Variants in FAM83F observed in about 807,000 individuals in gnomAD.
FAM83F encodes protein FAM83F.
Under a neutral mutation model 42.9 loss-of-function variants are expected in FAM83F, and 45 were observed. That is an observed-to-expected ratio of 1.05 (90% CI 0.83 to 1.35). FAM83F has a LOEUF of 1.35. FAM83F is among the 40% of genes most tolerant of loss of function. The probability of loss-of-function intolerance (pLI) is 0.00; values close to 1 mark genes in which losing one functional copy is unlikely to be tolerated. For synonymous variants in FAM83F, 306 were observed against 298.3 expected, an observed-to-expected ratio of 1.03 and a Z score of -0.27; for missense variants, 617 against 695.9, an observed-to-expected ratio of 0.89 and a Z score of 1.28.
chr22:40,006,062 A>C (rs1243549268), intron 1 of FAM83F, among the ~76,000 whole-genome samples: 1 of 152,216 alleles, frequency 6.6e-6, no homozygotes, highest in African/African-American at 2.4e-5. Flanking sequence ...CAACATGGCG[A>C]AGCCCCGTCT....
In FAM83F at chr22:40,032,608, C is replaced by G. The variant is rs551387014; in HGVS notation, c.*3043C>G. The G allele has an allele frequency of 2.3e-4, 35 of 151,420 alleles. No individual in the cohort carries two copies. Among genetic ancestry groups the G allele is most frequent in the African/African-American group, 8.5e-4 (35 of 41,162 alleles). 9.4% of individuals were successfully genotyped at this position (151,420 alleles called of 1,614,324 possible). A position where few individuals can be genotyped will look rare whatever the true frequency, so the allele number is the denominator to read the frequency against. ...TCTGAGACAGAGTCTCACCCTGTTG[C>G]CCAGGCTGGAGTGCAGTGACAGCGA... On this transcript the variant is annotated 3_prime_UTR_variant, in exon 5 of 5. Coordinates refer to ENST00000333407, the MANE Select transcript of FAM83F (RefSeq NM_138435.4).
In FAM83F at chr22:39,995,310, A is replaced by C. The variant is rs760193367; in HGVS notation, c.268A>C (p.Lys90Gln). Residue 90 changes from lysine to glutamine, a missense_variant, in exon 1 of 5, where the codon AAG (lysine) becomes CAG (glutamine). By Grantham distance (53) the Lys-to-Gln change is moderately conservative. Transcript: ENST00000333407. The surrounding 1 kb of genome is among the most constrained non-coding windows in gnomAD (Gnocchi z 4.6). Reference sequence around the variant, plus strand: ...CAACGCCCGGGGCAAGAGCAAGGCCAAGGCCAAGGCCCCCGCGCCGGCGCC... The same window carrying C: ...CAACGCCCGGGGCAAGAGCAAGGCCCAGGCCAAGGCCCCCGCGCCGGCGCC... ...AANARGKSKA[K>Q]AKAPAPAPAE... is the part of the protein sequence containing the mutation. The C allele has an allele frequency of 5.1e-5, 79 of 1,537,678 alleles. No individual in the cohort carries two copies. Among genetic ancestry groups the C allele is most frequent in the Non-Finnish European group, 6.7e-5 (77 of 1,145,706 alleles).
Position 39,997,269 on chromosome 22 carries a change from T to C in FAM83F, c.489+1738T>C, listed in dbSNP as rs1601760150. Among the ~76,000 whole-genome samples the C allele has an allele frequency of 2.0e-5, 3 of 152,232 alleles. No homozygotes were observed. In the East Asian group the frequency reaches 5.8e-4, roughly 29 times the overall value. ...AAGCTAGCCTGGTCACAACCTGGAG[T>C]GCAGGTGGTGTACCCCTGTTACTAG... On this transcript the variant is annotated intron_variant, in intron 1 of 4. Coordinates refer to ENST00000333407, the MANE Select transcript of FAM83F (RefSeq NM_138435.4).
At chr22:40,026,864 G>C (rs2067556131) in intron 4 of FAM83F, among the ~76,000 whole-genome samples, 1 of 152,176 alleles carries the variant, frequency 6.6e-6, no homozygotes, top group Admixed American at 6.5e-5. Context: ...GTCATCCCTT[G>C]GGGCCGCAGG....
intron 1 of FAM83F, among the ~76,000 whole-genome samples, chr22:39,998,292 C>T (rs1359176756): frequency 6.6e-6 from 1 of 152,208 alleles, no homozygotes; most frequent in East Asian, 1.9e-4. Context: ...AGGACATGCA[C>T]ACATCCAACT....
Position 40,040,059 on chromosome 22 carries a change from T to C in FAM83F, c.*10494T>C, listed in dbSNP as rs1014464236. On this transcript the variant is annotated 3_prime_UTR_variant, in exon 5 of 5. Coordinates refer to ENST00000333407, the MANE Select transcript of FAM83F (RefSeq NM_138435.4). ...GAGTGGGAGAAAAGCCAGATCTCAG[T>C]TGGGACGTGGAGGAAGGACCACCAG... The C allele has an allele frequency of 3.9e-5, 6 of 152,230 alleles. No individual in the cohort carries two copies. Among genetic ancestry groups the C allele is most frequent in the African/African-American group, 1.4e-4 (6 of 41,438 alleles). The allele number at this position is 152,230 out of a possible 1,614,324, so 9.4% of individuals were successfully genotyped here.
intron 1 of FAM83F, among the ~76,000 whole-genome samples, chr22:40,018,220 A>G (rs1380490080): frequency 6.6e-6 from 1 of 152,202 alleles, no homozygotes; most frequent in African/African-American, 2.4e-5. Context: ...CTCTGCCTGG[A>G]TCTGTGCCTG....
rs1413318390 is a variant in FAM83F, at chr22:40,021,720, GTC to G, written c.1215_1216del (p.Met407AlafsTer59). On this transcript the variant is annotated frameshift_variant, in exon 4 of 5. Coordinates refer to ENST00000333407, the MANE Select transcript of FAM83F (RefSeq NM_138435.4). LOFTEE classifies it high-confidence loss of function. The surrounding 1 kb of genome is among the most constrained non-coding windows in gnomAD (Gnocchi z 8.7). The stretch of plus-strand genomic sequence containing the variant: ...GCTGAGCCAGAAGGATGGCAGGATG[GTC>G]TCTCACATGCACAGAGACCTGAAGC... Reference protein sequence around the residue: ...GELSQKDGRMVSHMHRDLKPK... With the variant: ...GELSQKDGRMXSHMHRDLKPK... 2.5e-6 allele frequency: 4 copies of G among 1,612,974 alleles called. No homozygotes were observed. The highest frequency in any genetic ancestry group is 3.4e-6 in the Non-Finnish European group (4 of 1,179,890).
At chr22:40,000,079 A>T (rs756626034) in intron 1 of FAM83F, among the ~76,000 whole-genome samples, 1 of 152,188 alleles carries the variant, frequency 6.6e-6, no homozygotes, top group African/African-American at 2.4e-5. Flanking sequence ...GTGATCAATT[A>T]TCTGTTTATA....
At chr22:40,025,348 A>G (rs1243569306) in intron 4 of FAM83F, among the ~76,000 whole-genome samples, 1 of 151,864 alleles carries the variant, frequency 6.6e-6, no homozygotes, top group East Asian at 1.9e-4. Context: ...GAGCCTGGGA[A>G]GTCGAGGCTG....
At chr22:40,005,167 T>G (rs1398162889) in intron 1 of FAM83F, among the ~76,000 whole-genome samples, 2 of 152,228 alleles carry the variant, frequency 1.3e-5, no homozygotes, top group African/African-American at 4.8e-5. Context: ...CCAACTCCAT[T>G]TGTCTTACCC....
At chr22:40,029,404 G>A (rs915413309) in intron 4 of FAM83F, 112 bp from the exon 5 acceptor site, 40 of 1,406,848 alleles carry the variant, frequency 2.8e-5, no homozygotes, top group Non-Finnish European at 1.7e-5. Context: ...GGGAGACAGT[G>A]ACCCCAGCCC....
chr22:40,034,651 A>AT lies in FAM83F; in HGVS notation c.*5087dup, dbSNP rs2067611031. The AT allele has an allele frequency of 6.6e-6, 1 of 152,232 alleles. No homozygotes were observed. The highest frequency in any genetic ancestry group is 1.5e-5 in the Non-Finnish European group (1 of 68,044). The allele number at this position is 152,232 out of a possible 1,614,324, so 9.4% of individuals were successfully genotyped here. ...TGCCTGGCTCAGCTCTGCAGCCACA[A>AT]TATATGCTTAATACCTATTTGTTAA... On this transcript the variant is annotated 3_prime_UTR_variant, in exon 5 of 5. Coordinates refer to ENST00000333407, the MANE Select transcript of FAM83F (RefSeq NM_138435.4).
chr22:40,002,224 C>T (rs938179152), intron 1 of FAM83F, among the ~76,000 whole-genome samples: 2 of 152,178 alleles, frequency 1.3e-5, no homozygotes, highest in Admixed American at 1.3e-4. Context: ...ACAGGCCCAG[C>T]CCAGAGAGCC....
intron 1 of FAM83F, among the ~76,000 whole-genome samples, chr22:40,011,226 C>T (rs185545323): frequency 6.6e-6 from 1 of 152,250 alleles, no homozygotes; most frequent in East Asian, 1.9e-4. Flanking sequence ...GAGTCTTGCT[C>T]TGTTGCCCAG....
intron 1 of FAM83F, among the ~76,000 whole-genome samples, chr22:40,008,808 C>A (rs1173118688): frequency 6.6e-6 from 1 of 152,204 alleles, no homozygotes; most frequent in African/African-American, 2.4e-5. Context: ...TTGATCCTCT[C>A]TTTGGGGAGA....
At position 40,021,702 on chromosome 22, in the gene FAM83F, CAGA is replaced by C. The variant is rs781756926; in HGVS notation, c.1195_1197del (p.Lys399del). ...GCCCATCCCCTTGGGAGAGCTGAGC[CAGA>C]AGGATGGCAGGATGGTCTCTCACAT... On this transcript the variant is annotated inframe_deletion, in exon 4 of 5. Transcript: ENST00000333407. This position sits in a 1 kb window ranked among gnomAD's most constrained non-coding sequence, Gnocchi z 8.7. 9 of 1,613,162 alleles carry C rather than the reference CAGA, an allele frequency of 5.6e-6. No homozygotes were observed. Among genetic ancestry groups the C allele is most frequent in the Non-Finnish European group, 7.6e-6 (9 of 1,179,874 alleles).
chr22:40,031,535 T>C lies in FAM83F; in HGVS notation c.*1970T>C, dbSNP rs2067587654. 6.6e-6 allele frequency: 1 copy of C among 152,264 alleles called. No individual in the cohort carries two copies. The highest frequency in any genetic ancestry group is 6.5e-5 in the Admixed American group (1 of 15,276). The allele number at this position is 152,264 out of a possible 1,614,324, so 9.4% of individuals were successfully genotyped here. A position where few individuals can be genotyped will look rare whatever the true frequency, so the allele number is the denominator to read the frequency against. On this transcript the variant is annotated 3_prime_UTR_variant, in exon 5 of 5. Transcript: ENST00000333407. ...CAGGTCCCTCCCCTGCCCTGACATCTAATCTGGGAGGATCCCTGATTGGAA... is the reference window on the plus strand; with the variant it reads ...CAGGTCCCTCCCCTGCCCTGACATCCAATCTGGGAGGATCCCTGATTGGAA...
chr22:40,017,110 G>GCAC (rs2067496401), intron 1 of FAM83F, among the ~76,000 whole-genome samples: 1 of 152,114 alleles, frequency 6.6e-6, no homozygotes, highest in South Asian at 2.1e-4. Flanking sequence ...GTAGGGCAGG[G>GCAC]CACAGGAGTC....
Sources: gnomAD v4.1 joint callset for allele counts (sites outside exome capture counted in the v4.1 genomes callset) on GRCh38, gnomAD v4.1.1 for gene constraint, Gnocchi (gnomAD v3.1) non-coding constraint, MANE v1.5 for transcripts, NCBI Gene and HGNC (gene_info 2026-07-23, HGNC 2026-07-21) for gene names.